Variants in MANSC1 observed in about 807,000 individuals in gnomAD.
The protein encoded by MANSC1 is MANSC domain containing 1.
A neutral mutation model predicts 14.1 loss-of-function variants in MANSC1; 13 were observed. The observed-to-expected ratio is 0.92, with a 90% CI of 0.60 to 1.46. MANSC1 has a LOEUF of 1.46. Among genes scored for constraint, MANSC1 ranks in the 40% most tolerant of loss-of-function variants. MANSC1 has a pLI of 0.00. For missense variants in MANSC1, 486 were observed against 511.4 expected, an observed-to-expected ratio of 0.95 and a Z score of 0.48; for synonymous variants, 227 against 200.7, an observed-to-expected ratio of 1.13 and a Z score of -1.11.
At chr12:12,332,827 T>C (rs1468772455) in intron 3 of MANSC1, among the ~76,000 whole-genome samples, 2 of 152,152 alleles carry the variant, frequency 1.3e-5, no homozygotes, top group Admixed American at 1.3e-4. Flanking sequence ...GGCCAGTTTT[T>C]ATATTTCTTT....
rs1394017244 is a variant in MANSC1 at position 12,330,393 on chromosome 12, A to T, written c.930T>A (p.Pro310=). The change falls in exon 4 of 4, where the codon CCT becomes CCA. Residue 310 remains proline (P), a synonymous_variant. Transcript: ENST00000535902. ...TTTCTAAGCTGCCTTTCGAGTCCGT[A>T]GGTGCCTGAAAGGTGGTAGTCAGAA... The part of the protein sequence containing the change: ...TAVLTTTFQA[P]TDSKGSLETI... 2 of 1,614,252 alleles carry T rather than the reference A, an allele frequency of 1.2e-6. No homozygotes were observed. Among genetic ancestry groups the T allele is most frequent in the East Asian group, 4.5e-5 (2 of 44,892 alleles).
Position 12,338,514 on chromosome 12 carries a change from A to T in MANSC1, c.270T>A (p.Ala90=), listed in dbSNP as rs1227342803. The part of the protein sequence containing the change: ...NLMIFDTRKT[A]RQPNCYLFFC... ...AAAATAGGTAGCAGTTGGGTTGTCT[A>T]GCTGTTTTTCGAGTGTCGAAGATCA... The change falls in exon 3 of 4, where the codon GCT becomes GCA. Residue 90 remains alanine, a synonymous_variant. Coordinates refer to ENST00000535902, the MANE Select transcript of MANSC1 (RefSeq NM_018050.4). 23 of 1,613,796 alleles carry T rather than the reference A, an allele frequency of 1.4e-5. No individual in the cohort carries two copies. The highest frequency in any genetic ancestry group is 1.9e-5 in the Non-Finnish European group (23 of 1,179,912).
intron 2 of MANSC1, 188 bp from the exon 3 acceptor site, chr12:12,338,748 T>A (rs1046889944): frequency 6.4e-6 from 4 of 621,926 alleles, no homozygotes; most frequent in African/African-American, 1.9e-5. Context: ...TTAAAAAACA[T>A]TGGGTTTAGC....
At chr12:12,349,304 G>T (rs1863047186) in intron 1 of MANSC1, among the ~76,000 whole-genome samples, 1 of 152,150 alleles carries the variant, frequency 6.6e-6, no homozygotes, top group Non-Finnish European at 1.5e-5. Flanking sequence ...AGAAAACCAG[G>T]CCAATACTTT....
At chr12:12,348,910 C>A (rs1863042621) in intron 1 of MANSC1, among the ~76,000 whole-genome samples, 1 of 152,172 alleles carries the variant, frequency 6.6e-6, no homozygotes, top group Non-Finnish European at 1.5e-5. Context: ...TTATTATCCT[C>A]ATTTTAGTTA....
Position 12,329,025 on chromosome 12 carries a change from C to CACACACACACACA in MANSC1, c.*1001_*1002insTGTGTGTGTGTGT, listed in dbSNP as rs1254787998. ...ACACACACACACACACACACACACA[C>CACACACACACACA]AAGTTAACTAGAACAGATCCCAAGT... On this transcript the variant is annotated 3_prime_UTR_variant, in exon 4 of 4. Coordinates refer to ENST00000535902, the MANE Select transcript of MANSC1 (RefSeq NM_018050.4). The CACACACACACACA allele has an allele frequency of 1.3e-5, 2 of 152,132 alleles. No homozygotes were observed. Among genetic ancestry groups the CACACACACACACA allele is most frequent in the African/African-American group, 5.0e-5 (2 of 40,146 alleles). 9.4% of individuals were successfully genotyped at this position (152,132 alleles called of 1,614,324 possible).
intron 1 of MANSC1, among the ~76,000 whole-genome samples, chr12:12,345,766 G>A (rs1421332515): frequency 1.3e-5 from 2 of 152,130 alleles, no homozygotes; most frequent in African/African-American, 4.8e-5. Flanking sequence ...TTGATAGTCT[G>A]AGGAAGCTCA....
intron 2 of MANSC1, 81 bp downstream of exon 2, chr12:12,343,011 A>G (rs1862957692): frequency 1.0e-6 from 1 of 961,466 alleles, no homozygotes; most frequent in African/African-American, 1.6e-5. Flanking sequence ...AATCACTGGT[A>G]TAAGTTATTC....
rs1862743764 is a variant in MANSC1, at chr12:12,328,971, G to A, written c.*1056C>T. The stretch of plus-strand genomic sequence containing the variant: ...CCACTGCACTCTAGCCTGGGTGACA[G>A]AGCAAGACTCTGTCACACACACACA... On this transcript the variant is annotated 3_prime_UTR_variant, in exon 4 of 4. Transcript: ENST00000535902. 7.1e-6 allele frequency: 1 copy of A among 141,232 alleles called. No homozygotes were observed. The highest frequency in any genetic ancestry group is 1.5e-5 in the Non-Finnish European group (1 of 66,886). The allele number at this position is 141,232 out of a possible 1,614,324, so 8.7% of individuals were successfully genotyped here.
chr12:12,337,846 A>T (rs1592032699), intron 3 of MANSC1, among the ~76,000 whole-genome samples: 1 of 152,342 alleles, frequency 6.6e-6, no homozygotes, highest in East Asian at 1.9e-4. Context: ...AAGTTCCATG[A>T]ACATGGAGAT....
chr12:12,338,428 A>T lies in MANSC1; in HGVS notation c.356T>A (p.Ile119Lys). Residue 119 changes from isoleucine (I) to lysine (K), a missense_variant, in exon 3 of 4, where the codon ATA (isoleucine) becomes AAA (lysine). Physicochemically the swap from Ile to Lys is moderately radical, Grantham distance 102. Transcript: ENST00000535902. ...TATAATGCTTTCATTACCTGTAATT[A>T]TCCTGTAACTCATAAGTCCTTTTGC... ...KPAKGLMSYR[I>K]ITDFPSLTRN... is the part of the protein sequence containing the mutation. 1.3e-6 allele frequency: 2 copies of T among 1,595,570 alleles called. No individual in the cohort carries two copies. The highest frequency in any genetic ancestry group is 1.7e-6 in the Non-Finnish European group (2 of 1,174,844).
chr12:12,342,303 C>A (rs1158063666), intron 2 of MANSC1, among the ~76,000 whole-genome samples: 2 of 152,200 alleles, frequency 1.3e-5, no homozygotes, highest in Non-Finnish European at 2.9e-5. Context: ...TCACTGTTTT[C>A]TCTCTGGCAA....
At position 12,327,117 on chromosome 12, in the gene MANSC1, G is replaced by A. The variant is rs1862718593; in HGVS notation, c.*2910C>T. On this transcript the variant is annotated 3_prime_UTR_variant, in exon 4 of 4. Transcript: ENST00000535902. ...GAGCCACCACGCCTGGCCAAGAGTA[G>A]CTTTTTAACCTAGGTCAGTATCGTG... The A allele has an allele frequency of 6.6e-6, 1 of 152,396 alleles. No homozygotes were observed. The highest frequency in any genetic ancestry group is 1.9e-4 in the East Asian group (1 of 5,202). 9.4% of individuals were successfully genotyped at this position (152,396 alleles called of 1,614,324 possible).
chr12:12,339,992 T>C (rs988807063), intron 2 of MANSC1, among the ~76,000 whole-genome samples: 1 of 152,092 alleles, frequency 6.6e-6, no homozygotes, highest in African/African-American at 2.4e-5. Context: ...TTTTGTTTTT[T>C]GTAGAGGCGG....
intron 3 of MANSC1, among the ~76,000 whole-genome samples, chr12:12,337,647 G>C (rs1862876383): frequency 6.6e-6 from 1 of 152,052 alleles, no homozygotes; most frequent in Non-Finnish European, 1.5e-5. Flanking sequence ...TCTATGAAGG[G>C]TCCACAGAAT....
At chr12:12,342,579 TTTTTG>T (rs1362560757) in intron 2 of MANSC1, among the ~76,000 whole-genome samples, 1,128 of 96,548 alleles carry the variant, frequency 0.012, 28 homozygotes, top group East Asian at 0.045. Flanking sequence ...AGTCAGTGTT[TTTTTG>T]TTTTTTTTTT....
In MANSC1 at chr12:12,329,825, G is replaced by T; in HGVS notation, c.*202C>A. 3.8e-6 allele frequency: 2 copies of T among 530,946 alleles called. No individual in the cohort carries two copies. The highest frequency in any genetic ancestry group is 6.6e-6 in the Non-Finnish European group (2 of 301,430). The allele number at this position is 530,946 out of a possible 1,614,324, so 32.9% of individuals were successfully genotyped here. A position where few individuals can be genotyped will look rare whatever the true frequency, so the allele number is the denominator to read the frequency against. On this transcript the variant is annotated 3_prime_UTR_variant, in exon 4 of 4. Coordinates refer to ENST00000535902, the MANE Select transcript of MANSC1 (RefSeq NM_018050.4). ...CTTGAACCCAGGAGACGGAGGTTGC[G>T]GTGAGAGCCGAGATCGTGCTACTGC...
chr12:12,348,729 A>AAC (rs1592039596), intron 1 of MANSC1, among the ~76,000 whole-genome samples: 2 of 151,780 alleles, frequency 1.3e-5, no homozygotes, highest in East Asian at 3.9e-4. Flanking sequence ...AAAAAAAAAA[A>AAC]AAACCCAGAA....
rs11054816 is a variant in MANSC1 at position 12,328,880 on chromosome 12, T to C, written c.*1147A>G. ...GCGGGCGCCTGTAGTCCCAGCTACT[T>C]GGGAGGCTGAGGCAGGAGAATGGCG... On this transcript the variant is annotated 3_prime_UTR_variant, in exon 4 of 4. Transcript: ENST00000535902. 0.9 allele frequency: 136,208 copies of C among 151,452 alleles called. 62,250 individuals carry two copies. The highest frequency in any genetic ancestry group is 1 in the Non-Finnish European group (67,765 of 68,044). 9.4% of individuals were successfully genotyped at this position (151,452 alleles called of 1,614,324 possible). A position where few individuals can be genotyped will look rare whatever the true frequency, so the allele number is the denominator to read the frequency against.
Sources: gnomAD v4.1 joint callset for allele counts (sites outside exome capture counted in the v4.1 genomes callset) on GRCh38, gnomAD v4.1.1 for gene constraint, MANE v1.5 for transcripts, NCBI Gene and HGNC (gene_info 2026-07-23, HGNC 2026-07-21) for gene names.